Variants in PRIM2 observed in about 807,000 individuals in gnomAD.
The protein encoded by PRIM2 is DNA primase subunit 2.
In PRIM2, 39 loss-of-function variants were observed where a neutral mutation model predicts 67.3. That is an observed-to-expected ratio of 0.58 (90% CI 0.45 to 0.76). The LOEUF (loss-of-function observed/expected upper bound fraction) is 0.76. Ranked by LOEUF, PRIM2 falls within the 30% of genes least tolerant of loss-of-function variation. PRIM2 has a pLI of 0.00. For missense variants in PRIM2, 398 were observed against 598.7 expected, an observed-to-expected ratio of 0.66 and a Z score of 3.50; for synonymous variants, 143 against 198.7, an observed-to-expected ratio of 0.72 and a Z score of 2.36.
intron 7 of PRIM2, among the ~76,000 whole-genome samples, chr6:57,481,795 G>A (rs1189205306): frequency 1.3e-5 from 2 of 152,102 alleles, no homozygotes; most frequent in Non-Finnish European, 2.9e-5. Flanking sequence ...TCTTCTGATA[G>A]GTGTCTAGTA....
At chr6:57,256,924 C>A in the PRIM2 span, among the ~76,000 whole-genome samples, 1 of 152,216 alleles carries the variant, frequency 6.6e-6, no homozygotes, top group East Asian at 1.9e-4. Context: ...TGTTCAATTC[C>A]ATTTTAGCCA....
chr6:57,356,170 T>TG (rs1769023777), intron 5 of PRIM2, among the ~76,000 whole-genome samples: 2 of 152,192 alleles, frequency 1.3e-5, no homozygotes, highest in South Asian at 4.1e-4. Context: ...GCATAGGCTC[T>TG]GGTGCTGTAA....
At chr6:57,292,859 A>C in the PRIM2 span, among the ~76,000 whole-genome samples, 1 of 152,208 alleles carries the variant, frequency 6.6e-6, no homozygotes, top group Non-Finnish European at 1.5e-5. Flanking sequence ...TAAAGACTTA[A>C]ATGTTAGACC....
intron 7 of PRIM2, chr6:57,383,669 A>G (rs1770040448): frequency 6.6e-6 from 1 of 151,874 alleles, no homozygotes; most frequent in Non-Finnish European, 1.5e-5. Flanking sequence ...TGGAAGAGCT[A>G]CAGCCATCTA....
chr6:57,457,572 T>C (rs576181117), intron 7 of PRIM2, among the ~76,000 whole-genome samples: 3 of 152,132 alleles, frequency 2.0e-5, no homozygotes, highest in Non-Finnish European at 2.9e-5. Flanking sequence ...TCTGTGGGTG[T>C]AGGACCCCCG....
Position 57,454,592 on chromosome 6 carries a change from C to G in PRIM2, c.694-52795C>G, listed in dbSNP as rs1183328118. On this transcript the variant is annotated intron_variant, in intron 7 of 13. Coordinates refer to ENST00000615550, the MANE Select transcript of PRIM2 (RefSeq NM_000947.5). ...TGAGTAGAGGTGATTATAGTATTCTCTGATGGTAGTTTGTATTTCTGTGGG... is the reference window on the plus strand; with the variant it reads ...TGAGTAGAGGTGATTATAGTATTCTGTGATGGTAGTTTGTATTTCTGTGGG... Among the ~76,000 whole-genome samples the G allele has an allele frequency of 9.8e-3, 1,497 of 152,284 alleles. 28 individuals are homozygous for G. Among genetic ancestry groups the G allele is most frequent in the African/African-American group, 0.033 (1,361 of 41,556 alleles).
chr6:57,474,689 A>G (rs1355674308), intron 7 of PRIM2, among the ~76,000 whole-genome samples: 1,985 of 152,178 alleles, frequency 0.013, 44 homozygotes, highest in African/African-American at 0.046. Flanking sequence ...AGGTGTTGCC[A>G]GTGTGAGACT....
At chr6:57,325,438 C>A (rs934830117) in intron 4 of PRIM2, among the ~76,000 whole-genome samples, 7 of 151,732 alleles carry the variant, frequency 4.6e-5, no homozygotes, top group Non-Finnish European at 1.0e-4. Flanking sequence ...GGAGCTGGGA[C>A]TATAGGCACA....
the PRIM2 span, among the ~76,000 whole-genome samples, chr6:57,248,554 G>T: frequency 6.6e-6 from 1 of 152,194 alleles, no homozygotes; most frequent in Non-Finnish European, 1.5e-5. Context: ...ATAGGTAACA[G>T]AATTTTCTGG....
At chr6:57,440,430 T>G (rs1772166988) in intron 7 of PRIM2, among the ~76,000 whole-genome samples, 1 of 152,070 alleles carries the variant, frequency 6.6e-6, no homozygotes. Context: ...CTGTAAACAG[T>G]CTTGATTATT....
At chr6:57,561,910 C>T (rs1265841473) in intron 10 of PRIM2, among the ~76,000 whole-genome samples, 1 of 152,158 alleles carries the variant, frequency 6.6e-6, no homozygotes, top group East Asian at 1.9e-4. Context: ...TAACTTTTTA[C>T]TTAAAGTGAG....
At chr6:57,279,628 G>A in the PRIM2 span, among the ~76,000 whole-genome samples, 1 of 152,162 alleles carries the variant, frequency 6.6e-6, no homozygotes, top group South Asian at 2.1e-4. Context: ...CGCTACAGGA[G>A]AAACAATGAT....
At chr6:57,227,430 G>A in the PRIM2 span, among the ~76,000 whole-genome samples, 1 of 152,092 alleles carries the variant, frequency 6.6e-6, no homozygotes, top group Non-Finnish European at 1.5e-5. Flanking sequence ...GATCACCTGA[G>A]GTCAGGAGTT....
intron 7 of PRIM2, among the ~76,000 whole-genome samples, chr6:57,490,649 G>A (rs1554345894): frequency 3.3e-5 from 5 of 152,154 alleles, no homozygotes; most frequent in African/African-American, 4.8e-5. Context: ...GACAAATATA[G>A]GACCTGAAGT....
At chr6:57,227,993 G>A in the PRIM2 span, among the ~76,000 whole-genome samples, 1 of 152,272 alleles carries the variant, frequency 6.6e-6, no homozygotes, top group South Asian at 2.1e-4. Flanking sequence ...TTGAGGTTTT[G>A]TGCTTAAAGT....
chr6:57,559,633 T>A (rs1206298842), intron 10 of PRIM2, among the ~76,000 whole-genome samples: 1 of 152,162 alleles, frequency 6.6e-6, no homozygotes, highest in Non-Finnish European at 1.5e-5. Context: ...GTATTTAACA[T>A]CGCTAAGGTG....
At chr6:57,473,691 A>G (rs1292865453) in intron 7 of PRIM2, among the ~76,000 whole-genome samples, 2 of 152,112 alleles carry the variant, frequency 1.3e-5, no homozygotes, top group African/African-American at 4.8e-5. Flanking sequence ...GGGTTGCATT[A>G]TTTTTTCCTG....
At chr6:57,356,495 A>G (rs540565173) in intron 5 of PRIM2, among the ~76,000 whole-genome samples, 12 of 152,334 alleles carry the variant, frequency 7.9e-5, no homozygotes, top group African/African-American at 2.9e-4. Flanking sequence ...TGCTACAAAT[A>G]TATGTAGAGT....
the PRIM2 span, among the ~76,000 whole-genome samples, chr6:57,300,670 T>C: frequency 6.6e-6 from 1 of 152,176 alleles, no homozygotes; most frequent in Non-Finnish European, 1.5e-5. Context: ...TAATAAATCA[T>C]AGTTTAAACT....
Sources: allele counts gnomAD v4.1 joint callset (sites outside exome capture counted in the v4.1 genomes callset), GRCh38; gene constraint gnomAD v4.1.1; transcripts MANE v1.5; gene names NCBI Gene and HGNC (gene_info 2026-07-23, HGNC 2026-07-21).